RHOBTB1: variants seen among roughly 807,000 people sequenced by gnomAD.
The protein encoded by RHOBTB1 is Rho related BTB domain containing 1.
Under a neutral mutation model 71.6 loss-of-function variants are expected in RHOBTB1, and 40 were observed. The ratio of observed to expected loss-of-function variants is 0.56; its 90% CI spans 0.43 to 0.73. The LOEUF is 0.73. RHOBTB1 is among the 30% of genes least tolerant of loss of function. The pLI is 0.00. For synonymous variants in RHOBTB1, 319 were observed against 334.9 expected (o/e 0.95, Z 0.52); for missense variants, 797 against 894.0 (o/e 0.89, Z 1.38).
intron 2 of RHOBTB1, among the ~76,000 whole-genome samples, chr10:60,957,776 T>C (rs985901745): frequency 6.6e-6 from 1 of 152,130 alleles, no homozygotes; most frequent in East Asian, 1.9e-4. Flanking sequence ...GAATGCTCAC[T>C]CCATAGCTGA....
intron 2 of RHOBTB1, among the ~76,000 whole-genome samples, chr10:60,921,661 A>G (rs1306216942): frequency 6.6e-6 from 1 of 152,228 alleles, no homozygotes; most frequent in Non-Finnish European, 1.5e-5. Flanking sequence ...TGTTGAATTG[A>G]ATATAAAAAT....
At chr10:60,867,959 C>T (rs2080645739), downstream of RHOBTB1, among the ~76,000 whole-genome samples, 1 of 152,208 alleles carries the variant, frequency 6.6e-6, no homozygotes, top group Admixed American at 6.5e-5. Context: ...AATCTCTCGA[C>T]TTAAGTTAGC....
intron 4 of RHOBTB1, among the ~76,000 whole-genome samples, chr10:60,906,622 A>G (rs1416291807): frequency 6.6e-6 from 1 of 152,084 alleles, no homozygotes; most frequent in Non-Finnish European, 1.5e-5. Flanking sequence ...AAATGAGCCT[A>G]TTTTGCAGGC....
In RHOBTB1 at chr10:60,896,059, A is replaced by AT. The variant is rs1033707541; in HGVS notation, c.297-3065dup. ...ATTTATTCCCTCTAGATTTTGAGCC[A>AT]TTTTTTTTTAATCTAGTCAAAGAAG... On this transcript the variant is annotated intron_variant, in intron 4 of 10. Transcript: ENST00000337910. 4.7e-4 allele frequency among the ~76,000 whole-genome samples: 72 copies of AT among 151,666 alleles called. 1 individual carries two copies. The highest frequency in any genetic ancestry group is 8.5e-4 in the Admixed American group (13 of 15,236).
At chr10:60,967,020 A>G (rs926135382) in intron 2 of RHOBTB1, among the ~76,000 whole-genome samples, 3 of 151,924 alleles carry the variant, frequency 2.0e-5, no homozygotes, top group Admixed American at 2.0e-4. Context: ...CCAGTTAACA[A>G]TGGTGCTTTT....
At chr10:60,871,765 G>T in intron 10 of RHOBTB1, 114 bp from the exon 11 acceptor site, 1 of 988,810 alleles carries the variant, frequency 1.0e-6, no homozygotes, top group Non-Finnish European at 1.5e-6. Context: ...ATGCGGCAGA[G>T]ACTGTGATTA....
At chr10:60,914,954 C>G (rs2083191098) in intron 2 of RHOBTB1, among the ~76,000 whole-genome samples, 1 of 152,186 alleles carries the variant, frequency 6.6e-6, no homozygotes, top group South Asian at 2.1e-4. Flanking sequence ...GTTAAATATT[C>G]AGGGCCCAGA....
At chr10:60,867,373 C>G (rs2080639223), downstream of RHOBTB1, among the ~76,000 whole-genome samples, 1 of 152,150 alleles carries the variant, frequency 6.6e-6, no homozygotes, top group African/African-American at 2.4e-5. Flanking sequence ...TCTAACCATT[C>G]TTGTATTTGG....
At chr10:60,889,706 T>C (rs1002470052) in intron 5 of RHOBTB1, among the ~76,000 whole-genome samples, 3 of 152,236 alleles carry the variant, frequency 2.0e-5, no homozygotes, top group Admixed American at 6.5e-5. Flanking sequence ...ATCACTTTAC[T>C]AGCTATTTAA....
chr10:60,982,200 A>G (rs1330933550), intron 2 of RHOBTB1, among the ~76,000 whole-genome samples: 2 of 152,194 alleles, frequency 1.3e-5, no homozygotes, highest in Non-Finnish European at 2.9e-5. Context: ...CTTCTAGACT[A>G]GTCAAGTATT....
chr10:60,933,810 T>C (rs993667796), intron 2 of RHOBTB1, among the ~76,000 whole-genome samples: 1 of 152,064 alleles, frequency 6.6e-6, no homozygotes, highest in African/African-American at 2.4e-5. Context: ...TATATGTCCA[T>C]CAAAAATGTG....
At chr10:60,986,553 C>T (rs2134885103) in intron 1 of RHOBTB1, among the ~76,000 whole-genome samples, 1 of 151,346 alleles carries the variant, frequency 6.6e-6, no homozygotes, top group Middle Eastern at 3.4e-3. Flanking sequence ...AGGAGAAACC[C>T]TGTAAGTCCT....
chr10:60,911,366 G>C lies in RHOBTB1; in HGVS notation c.177C>G (p.Tyr59Ter). 6.2e-7 allele frequency: 1 copy of C among 1,613,434 alleles called. No individual in the cohort carries two copies. The highest frequency in any genetic ancestry group is 8.5e-7 in the Non-Finnish European group (1 of 1,179,494). ...TGCATCTTACCTCCTGGCACACGCGGTACTGGTCAATCGCCCACACTGTTG... is the reference window on the plus strand; with the variant it reads ...TGCATCTTACCTCCTGGCACACGCGCTACTGGTCAATCGCCCACACTGTTG... ...HVPTVWAIDQ[Y>*]RVCQEVLERS... The change falls in exon 3 of 11, where the codon TAC becomes TAG. Residue 59 changes from tyrosine to a stop codon, truncating the protein, a stop_gained. Transcript: ENST00000337910. LOFTEE classifies it high-confidence loss of function.
In RHOBTB1 at chr10:60,911,403, G is replaced by A. The variant is rs2082963090; in HGVS notation, c.140C>T (p.Ala47Val). ...CGCCCACACTGTTGGCACGTGGGTGGCCAGCAGCTGATACTGCGTGAGTGT... is the reference window on the plus strand; with the variant it reads ...CGCCCACACTGTTGGCACGTGGGTGACCAGCAGCTGATACTGCGTGAGTGT... ...NTTLTQYQLL[A>V]THVPTVWAID... Residue 47 changes from alanine (A) to valine (V), a missense_variant, in exon 3 of 11, where the codon GCC becomes GTC. Ala to Val is a moderately conservative substitution (Grantham distance 64). This residue lies in a region of RHOBTB1 where 139 missense variants were observed against 212.5 expected (regional missense o/e 0.65). Coordinates refer to ENST00000337910, the MANE Select transcript of RHOBTB1 (RefSeq NM_014836.5). The A allele has an allele frequency of 1.9e-6, 3 of 1,613,968 alleles. No individual in the cohort carries two copies. Among genetic ancestry groups the A allele is most frequent in the Non-Finnish European group, 2.5e-6 (3 of 1,179,998 alleles).
chr10:60,862,323 T>C, the RHOBTB1 span, among the ~76,000 whole-genome samples: 1 of 152,046 alleles, frequency 6.6e-6, no homozygotes, highest in Non-Finnish European at 1.5e-5. Flanking sequence ...TCAGCCTCTC[T>C]AGTAGCTGAG....
chr10:60,874,906 T>C (rs1232404890), intron 9 of RHOBTB1, 48 bp downstream of exon 9: 2 of 1,249,426 alleles, frequency 1.6e-6, no homozygotes, highest in African/African-American at 1.5e-5. Flanking sequence ...CAGCATTAAA[T>C]GAACTGATTG....
chr10:61,001,279 T>G (rs529665645), intron 1 of RHOBTB1: 3 of 152,146 alleles, frequency 2.0e-5, no homozygotes, highest in Admixed American at 1.3e-4. Flanking sequence ...CGCGTCCCCA[T>G]GAGCCTGCGG....
intron 4 of RHOBTB1, among the ~76,000 whole-genome samples, chr10:60,902,475 T>C (rs990956835): frequency 2.0e-5 from 3 of 152,198 alleles, no homozygotes; most frequent in Admixed American, 6.5e-5. Flanking sequence ...TTGAAAATGA[T>C]ACCCAGAGGA....
chr10:60,961,732 T>C (rs1418573292), intron 2 of RHOBTB1, among the ~76,000 whole-genome samples: 1 of 152,166 alleles, frequency 6.6e-6, no homozygotes, highest in East Asian at 1.9e-4. Flanking sequence ...AGCTATACAT[T>C]CTAAGGAAGA....
Sources: gnomAD v4.1 joint callset for allele counts (sites outside exome capture counted in the v4.1 genomes callset) on GRCh38, gnomAD v4.1.1 for gene constraint, gnomAD v4.1.1 regional missense constraint, MANE v1.5 for transcripts, NCBI Gene and HGNC (gene_info 2026-07-23, HGNC 2026-07-21) for gene names.